Variants in OPCML observed in about 807,000 individuals in gnomAD.
OPCML encodes opioid-binding protein/cell adhesion molecule.
A neutral mutation model predicts 37.8 loss-of-function variants in OPCML; 13 were observed. That is an observed-to-expected ratio of 0.34 (90% CI 0.22 to 0.55). OPCML has a LOEUF of 0.55. Ranked by LOEUF, OPCML falls within the 20% of genes least tolerant of loss-of-function variation. OPCML has a pLI of 0.91. For synonymous variants in OPCML, 176 were observed against 168.8 expected, an observed-to-expected ratio of 1.04 and a Z score of -0.33; for missense variants, 341 against 435.6, an observed-to-expected ratio of 0.78 and a Z score of 1.93.
intron 4 of OPCML, among the ~76,000 whole-genome samples, chr11:132,452,326 G>A (rs974081628): frequency 2.6e-5 from 4 of 152,128 alleles, no homozygotes; most frequent in African/African-American, 9.7e-5. Context: ...GAGGATGAAA[G>A]GTCCAAAGCT....
At chr11:133,339,124 T>C (rs76156673) in intron 1 of OPCML, among the ~76,000 whole-genome samples, 1,562 of 152,306 alleles carry the variant, frequency 0.01, 18 homozygotes, top group Non-Finnish European at 0.016. Context: ...TCTACTCGAT[T>C]ATCTGTTTAT....
intron 1 of OPCML, among the ~76,000 whole-genome samples, chr11:133,178,264 G>T (rs1937643989): frequency 6.6e-6 from 1 of 152,002 alleles, no homozygotes; most frequent in South Asian, 2.1e-4. Flanking sequence ...CATGGTTCAG[G>T]CAAAGGTCAG....
chr11:132,469,630 G>C (rs944310408), intron 4 of OPCML, among the ~76,000 whole-genome samples: 3 of 136,800 alleles, frequency 2.2e-5, no homozygotes, highest in African/African-American at 8.7e-5. Context: ...TGTGGGGTGT[G>C]TGTGTATGTG....
chr11:132,554,863 G>GTTTTTTTGTTTTTTT (rs1235737787), intron 3 of OPCML, among the ~76,000 whole-genome samples: 3 of 64,010 alleles, frequency 4.7e-5, no homozygotes, highest in Non-Finnish European at 8.1e-5. Flanking sequence ...ATGGGGTAAA[G>GTTTTTTTGTTTTTTT]TTTTTTTTTT....
At chr11:133,243,362 G>A (rs1940802497) in intron 1 of OPCML, among the ~76,000 whole-genome samples, 1 of 152,164 alleles carries the variant, frequency 6.6e-6, no homozygotes, top group African/African-American at 2.4e-5. Context: ...GGAGTGAGCT[G>A]ATTTGCCATT....
At chr11:133,415,819 C>G (rs1245552703) in intron 1 of OPCML, among the ~76,000 whole-genome samples, 1 of 152,088 alleles carries the variant, frequency 6.6e-6, no homozygotes, top group Non-Finnish European at 1.5e-5. Flanking sequence ...AGTCCATGCT[C>G]TTTACTGCCC....
Position 132,600,615 on chromosome 11 carries a change from C to T in OPCML, c.379+56472G>A, listed in dbSNP as rs539155780. On this transcript the variant is annotated intron_variant, in intron 3 of 7. Coordinates refer to ENST00000524381, the MANE Select transcript of OPCML (RefSeq NM_001012393.5). ...ACTAGTCTGCAACCCTGATATATGA[C>T]GTGTGACAACAAGAAAATAATTGGG... 1.6e-4 allele frequency among the ~76,000 whole-genome samples: 24 copies of T among 152,230 alleles called. 1 individual carries two copies. The South Asian group carries it at 4.3e-3, about 28-fold the overall frequency.
chr11:133,358,336 G>A (rs767847177), intron 1 of OPCML, among the ~76,000 whole-genome samples: 24 of 152,206 alleles, frequency 1.6e-4, no homozygotes, highest in Middle Eastern at 6.8e-3. Flanking sequence ...CTTATGGTGG[G>A]CTCTGACTAG....
At chr11:132,499,399 T>C (rs2096241046) in intron 4 of OPCML, among the ~76,000 whole-genome samples, 1 of 152,138 alleles carries the variant, frequency 6.6e-6, no homozygotes, top group Non-Finnish European at 1.5e-5. Flanking sequence ...GGAGGGGTCT[T>C]GCCTCATCAC....
intron 2 of OPCML, among the ~76,000 whole-genome samples, chr11:132,685,708 A>G (rs1288613786): frequency 6.6e-6 from 1 of 152,244 alleles, no homozygotes. Flanking sequence ...GAGAAAAGGA[A>G]GAAAGATTTA....
At chr11:133,439,236 C>A (rs887867937) in intron 1 of OPCML, 1 of 956,426 alleles carries the variant, frequency 1.0e-6, no homozygotes, top group East Asian at 1.2e-4. Flanking sequence ...CCCCAGGCAG[C>A]GTCACAATTG....
At chr11:132,807,108 T>A (rs560156214) in intron 2 of OPCML, among the ~76,000 whole-genome samples, 1 of 152,272 alleles carries the variant, frequency 6.6e-6, no homozygotes, top group Non-Finnish European at 1.5e-5. Flanking sequence ...ACATTTCCAC[T>A]GTAAGTAGAT....
At chr11:133,516,415 G>A (rs1263263610) in intron 1 of OPCML, among the ~76,000 whole-genome samples, 1 of 152,052 alleles carries the variant, frequency 6.6e-6, no homozygotes, top group Non-Finnish European at 1.5e-5. Flanking sequence ...AAAGATCTGG[G>A]GGGACACACT....
intron 1 of OPCML, among the ~76,000 whole-genome samples, chr11:133,430,184 AAT>A (rs1946088590): frequency 6.6e-6 from 1 of 152,124 alleles, no homozygotes; most frequent in South Asian, 2.1e-4. Flanking sequence ...TGGAGATAAT[AAT>A]GGGGAAGGCA....
chr11:133,389,836 A>G (rs1249540948), intron 1 of OPCML, among the ~76,000 whole-genome samples: 1 of 152,212 alleles, frequency 6.6e-6, no homozygotes, highest in African/African-American at 2.4e-5. Context: ...ATGGGTAAAT[A>G]TACAATAATA....
intron 1 of OPCML, among the ~76,000 whole-genome samples, chr11:133,233,385 G>A (rs1482372754): frequency 6.6e-6 from 1 of 152,132 alleles, no homozygotes; most frequent in Non-Finnish European, 1.5e-5. Flanking sequence ...CTACGAGCAG[G>A]GCATAAGAGA....
At chr11:132,914,322 G>A (rs1262425710) in intron 2 of OPCML, among the ~76,000 whole-genome samples, 1 of 152,088 alleles carries the variant, frequency 6.6e-6, no homozygotes, top group Non-Finnish European at 1.5e-5. Context: ...TTCTGAACTT[G>A]GTAACATTTA....
chr11:133,340,029 T>G (rs1454741517), intron 1 of OPCML, among the ~76,000 whole-genome samples: 1 of 152,226 alleles, frequency 6.6e-6, no homozygotes, highest in Non-Finnish European at 1.5e-5. Context: ...TCTGGAATCT[T>G]TGGTGCCCCA....
intron 1 of OPCML, among the ~76,000 whole-genome samples, chr11:133,440,779 T>C (rs1308704430): frequency 9.1e-6 from 1 of 109,816 alleles, no homozygotes; most frequent in Admixed American, 8.2e-5. Context: ...TATATATATA[T>C]ATCTGTGTGT....
Sources: gnomAD v4.1 joint callset for allele counts (sites outside exome capture counted in the v4.1 genomes callset) on GRCh38, gnomAD v4.1.1 for gene constraint, MANE v1.5 for transcripts, NCBI Gene and HGNC (gene_info 2026-07-23, HGNC 2026-07-21) for gene names.